The following TRPM6 variants were observed in gnomAD, a reference collection of about 807,000 sequenced individuals.
TRPM6 encodes the protein channel kinase 2.
Under a neutral mutation model 247.6 loss-of-function variants are expected in TRPM6, and 111 were observed. That is an observed-to-expected ratio of 0.45 (90% CI 0.38 to 0.52). The LOEUF is 0.52. TRPM6 is among the 20% of genes least tolerant of loss of function. TRPM6 has a pLI of 0.00. For synonymous variants in TRPM6, 892 were observed against 853.8 expected, an observed-to-expected ratio of 1.04 and a Z score of -0.78; for missense variants, 2,126 against 2,421.5, an observed-to-expected ratio of 0.88 and a Z score of 2.56.
rs776540962 is a variant in TRPM6, at chr9:74,803,882, T to C, written c.1643A>G (p.Gln548Arg). 4.3e-6 allele frequency: 7 copies of C among 1,609,298 alleles called. No homozygotes were observed. The highest frequency in any genetic ancestry group is 1.7e-5 in the Admixed American group (1 of 60,002). ...YNNLYRKYKHQRHSSGNRNES... is the reference protein window; with the variant it reads ...YNNLYRKYKHRRHSSGNRNES... ...ATTTCTATTTCCTGAGGAGTGTCTC[T>C]GGTGCTGGGAAAGGTTTTGAACAAA... The change falls in exon 15 of 39, where the codon CAG (glutamine) becomes CGG (arginine). Residue 548 changes from glutamine to arginine, a missense_variant. Gln to Arg is a conservative substitution (Grantham distance 43). Coordinates refer to ENST00000360774, the MANE Select transcript of TRPM6 (RefSeq NM_017662.5).
intron 7 of TRPM6, among the ~76,000 whole-genome samples, chr9:74,824,589 A>G (rs1829265597): frequency 6.6e-6 from 1 of 151,694 alleles, no homozygotes; most frequent in Non-Finnish European, 1.5e-5. Flanking sequence ...AAAGAAAAAA[A>G]TGTAAAATTC....
At chr9:74,843,486 A>G (rs892234560) in intron 3 of TRPM6, among the ~76,000 whole-genome samples, 6 of 152,166 alleles carry the variant, frequency 3.9e-5, no homozygotes, top group African/African-American at 1.4e-4. Context: ...TACAGCAGCT[A>G]AAGTCATACC....
intron 1 of TRPM6, among the ~76,000 whole-genome samples, chr9:74,883,382 C>T (rs889980145): frequency 6.6e-6 from 1 of 152,120 alleles, no homozygotes; most frequent in Admixed American, 6.5e-5. Context: ...TATATTTGCA[C>T]TCTAGGAAAG....
chr9:74,877,470 A>G (rs1831229228), intron 1 of TRPM6, among the ~76,000 whole-genome samples: 1 of 152,144 alleles, frequency 6.6e-6, no homozygotes. Context: ...ACTGAGTTCC[A>G]CGCACACTAT....
intron 20 of TRPM6, among the ~76,000 whole-genome samples, chr9:74,786,468 G>A (rs559333187): frequency 7.9e-5 from 12 of 152,132 alleles, no homozygotes; most frequent in African/African-American, 1.9e-4. Context: ...GGCTGGGCGC[G>A]GTGGCTCATG....
chr9:74,727,435 C>A (rs968296842), intron 38 of TRPM6, among the ~76,000 whole-genome samples: 3 of 150,848 alleles, frequency 2.0e-5, no homozygotes, highest in Admixed American at 6.6e-5. Context: ...TAAGTTTACA[C>A]CTGTCCCATC....
chr9:74,826,040 G>A (rs1328360218), intron 7 of TRPM6, among the ~76,000 whole-genome samples: 1 of 151,860 alleles, frequency 6.6e-6, no homozygotes, highest in African/African-American at 2.4e-5. Flanking sequence ...ACAATTCCCA[G>A]AGTCCCTCCC....
intron 23 of TRPM6, among the ~76,000 whole-genome samples, chr9:74,779,606 C>G (rs935372889): frequency 1.3e-5 from 2 of 152,166 alleles, no homozygotes; most frequent in African/African-American, 4.8e-5. Context: ...TAAGAGGCAT[C>G]TAGAAAATAT....
At position 74,821,814 on chromosome 9, in the gene TRPM6, C is replaced by T. The variant is rs182530243; in HGVS notation, c.865G>A (p.Val289Met). 68 of 1,614,136 alleles carry T rather than the reference C, an allele frequency of 4.2e-5. No individual in the cohort carries two copies. Among genetic ancestry groups the T allele is most frequent in the Admixed American group, 3.2e-4 (19 of 60,016 alleles). ...HCRSRQGVPV[V>M]GLVVEGGPNV... ...GGACCGCCTTCCACCACCAGCCCCA[C>T]GACCGGCACGCCTTGTCTTGAGCCT... Residue 289 changes from valine to methionine, a missense_variant, in exon 8 of 39, where the codon GTG becomes ATG. By Grantham distance (21) the Val-to-Met change is conservative. Around this residue, in one of 3 missense-constraint regions of TRPM6, gnomAD observed 1,082 missense variants for 1,307.9 expected, o/e 0.83. Coordinates refer to ENST00000360774, the MANE Select transcript of TRPM6 (RefSeq NM_017662.5).
chr9:74,839,558 C>T (rs1429684998), intron 5 of TRPM6, among the ~76,000 whole-genome samples: 1 of 152,194 alleles, frequency 6.6e-6, no homozygotes, highest in Non-Finnish European at 1.5e-5. Flanking sequence ...CCCACACACA[C>T]TATGCACTTG....
intron 3 of TRPM6, among the ~76,000 whole-genome samples, chr9:74,843,130 A>G (rs1224323713): frequency 6.6e-6 from 1 of 152,214 alleles, no homozygotes; most frequent in Non-Finnish European, 1.5e-5. Context: ...TATCTTCACC[A>G]GTAGATTCCA....
In TRPM6 at chr9:74,771,980, C is replaced by T. The variant is rs1587488782; in HGVS notation, c.3404-145G>A. 4 of 763,708 alleles carry T rather than the reference C, an allele frequency of 5.2e-6. No homozygotes were observed. The East Asian group carries it at 1.0e-4, about 20-fold the overall frequency. 47.3% of individuals were successfully genotyped at this position (763,708 alleles called of 1,614,324 possible). ...TGTCAAACTATTTCTAATATTAATG[C>T]AGAAACAGCACCAATAAACAACTGG... On this transcript the variant is annotated intron_variant, in intron 24 of 38. Transcript: ENST00000360774.
rs577083842 is a variant in TRPM6 at position 74,731,685 on chromosome 9, T to C, written c.5828+1000A>G. ...TCAGATTTTATTGATTGCCCACTTA[T>C]GTAGTTATACATATAATATATATAA... On this transcript the variant is annotated intron_variant, in intron 37 of 38. Coordinates refer to ENST00000360774, the MANE Select transcript of TRPM6 (RefSeq NM_017662.5). Among the ~76,000 whole-genome samples the C allele has an allele frequency of 2.2e-3, 334 of 148,762 alleles. 1 individual carries two copies. The highest frequency in any genetic ancestry group is 3.6e-3 in the Non-Finnish European group (244 of 67,370).
chr9:74,764,344 C>T (rs1826756586), intron 25 of TRPM6, among the ~76,000 whole-genome samples: 1 of 152,074 alleles, frequency 6.6e-6, no homozygotes, highest in South Asian at 2.1e-4. Context: ...AGGCTGAATC[C>T]TAATCCAATA....
rs1434966187 is a variant in TRPM6, at chr9:74,723,247, T to C, written c.*1366A>G. On this transcript the variant is annotated 3_prime_UTR_variant, in exon 39 of 39. Coordinates refer to ENST00000360774, the MANE Select transcript of TRPM6 (RefSeq NM_017662.5). Reference sequence around the variant, plus strand: ...TTTCAAAATATATATACATTCTTTATGCCAGGGGAATAGGGAACTCTGCTC... The same window carrying C: ...TTTCAAAATATATATACATTCTTTACGCCAGGGGAATAGGGAACTCTGCTC... 5 of 152,310 alleles carry C rather than the reference T, an allele frequency of 3.3e-5. No homozygotes were observed. Among genetic ancestry groups the C allele is most frequent in the Non-Finnish European group, 5.9e-5 (4 of 68,034 alleles). The allele number at this position is 152,310 out of a possible 1,614,324, so 9.4% of individuals were successfully genotyped here. A position where few individuals can be genotyped will look rare whatever the true frequency, so the allele number is the denominator to read the frequency against.
intron 1 of TRPM6, among the ~76,000 whole-genome samples, chr9:74,874,912 T>C (rs561638346): frequency 2.1e-4 from 31 of 149,736 alleles, no homozygotes; most frequent in Middle Eastern, 3.5e-3. Context: ...TGCACCACCA[T>C]GCCCAGCTAA....
Position 74,834,044 on chromosome 9 carries a change from G to C in TRPM6, c.623C>G (p.Pro208Arg). 6.2e-7 allele frequency: 1 copy of C among 1,614,108 alleles called. No homozygotes were observed. The part of the protein sequence containing the change: ...SLRKIWTVGI[P>R]PWGVIENQRD... ...CTGGTTCTCAATGACACCCCAAGGA[G>C]GGATTCCAACTGTCCAGATTTTTCT... Residue 208 changes from proline (P) to arginine (R), a missense_variant, in exon 6 of 39, where the codon CCT becomes CGT. Physicochemically the swap from Pro to Arg is moderately radical, Grantham distance 103. Coordinates refer to ENST00000360774, the MANE Select transcript of TRPM6 (RefSeq NM_017662.5).
chr9:74,732,758 C>A (rs766303203), intron 36 of TRPM6, 22 bp from the exon 37 acceptor site: 1 of 1,590,630 alleles, frequency 6.3e-7, no homozygotes, highest in Admixed American at 1.7e-5. Context: ...AAACAAAATT[C>A]GTTTAGCAAA....
At chr9:74,732,939 A>G (rs1271003087) in intron 36 of TRPM6, among the ~76,000 whole-genome samples, 1 of 152,186 alleles carries the variant, frequency 6.6e-6, no homozygotes, top group African/African-American at 2.4e-5. Context: ...CACGCCTGTA[A>G]TCCCAGCTCT....
Sources: gnomAD v4.1 joint callset for allele counts (sites outside exome capture counted in the v4.1 genomes callset) on GRCh38, gnomAD v4.1.1 for gene constraint, gnomAD v4.1.1 regional missense constraint, MANE v1.5 for transcripts, NCBI Gene and HGNC (gene_info 2026-07-23, HGNC 2026-07-21) for gene names.